The following IL12RB2 variants were observed in gnomAD, a reference collection of about 807,000 sequenced individuals.
The protein encoded by IL12RB2 is interleukin-12 receptor subunit beta-2.
Under a neutral mutation model 89.4 loss-of-function variants are expected in IL12RB2, and 82 were observed. That is an observed-to-expected ratio of 0.92 (90% CI 0.77 to 1.10). The LOEUF is 1.10. IL12RB2 is among the 50% of genes least tolerant of loss of function. The pLI is 0.00. For missense variants in IL12RB2, 963 were observed against 1,031.9 expected (o/e 0.93, Z 0.92); for synonymous variants, 368 against 370.1 (o/e 0.99, Z 0.07).
intron 14 of IL12RB2, among the ~76,000 whole-genome samples, chr1:67,385,131 T>C (rs146254361): frequency 6.6e-6 from 1 of 152,346 alleles, no homozygotes; most frequent in East Asian, 1.9e-4. Context: ...TATTAGTCTG[T>C]TCTCATGCTG....
rs762985506 is a variant in IL12RB2 at position 67,329,719 on chromosome 1, T to C, written c.797T>C (p.Leu266Pro). 1.2e-6 allele frequency: 2 copies of C among 1,606,402 alleles called. No homozygotes were observed. The highest frequency in any genetic ancestry group is 1.1e-5 in the South Asian group (1 of 90,918). ...RLRYRPSNSR[L>P]WNMVNVTKAK... ...AGATATCGGCCCAGTAACAGCAGGC[T>C]CTGGAATATGGTAATTATCTTTAGA... Residue 266 changes from leucine to proline, a missense_variant, in exon 7 of 17, where the codon CTC becomes CCC. Transcript: ENST00000674203.
chr1:67,334,853 GC>G (rs1373561950), intron 8 of IL12RB2, among the ~76,000 whole-genome samples: 23 of 152,186 alleles, frequency 1.5e-4, no homozygotes, highest in Non-Finnish European at 2.9e-4. Flanking sequence ...CAGGCAGAGG[GC>G]CAGATTTGGC....
intron 16 of IL12RB2, 96 bp downstream of exon 16, chr1:67,390,224 A>T: frequency 1.3e-6 from 1 of 754,630 alleles, no homozygotes; most frequent in South Asian, 1.4e-5. Flanking sequence ...GGGTGCTGAG[A>T]TCCTATGGTT....
At chr1:67,392,001 G>C (rs1342350130) in intron 16 of IL12RB2, among the ~76,000 whole-genome samples, 3 of 152,222 alleles carry the variant, frequency 2.0e-5, no homozygotes, top group African/African-American at 4.8e-5. Context: ...AGAGGACTAC[G>C]TAACTTGCCC....
intron 8 of IL12RB2, among the ~76,000 whole-genome samples, chr1:67,334,969 G>A (rs942996057): frequency 6.6e-6 from 1 of 152,164 alleles, no homozygotes; most frequent in Admixed American, 6.5e-5. Flanking sequence ...CTTCTAAAGA[G>A]ATTTATATCA....
intron 1 of IL12RB2, 50 bp downstream of exon 1, chr1:67,308,017 CG>C (rs1654500537): frequency 6.6e-6 from 1 of 152,054 alleles, no homozygotes; most frequent in African/African-American, 2.4e-5. Context: ...CCCAGGATCC[CG>C]GACCAGCGGG....
At chr1:67,337,964 T>C (rs1659009842) in intron 8 of IL12RB2, among the ~76,000 whole-genome samples, 1 of 151,766 alleles carries the variant, frequency 6.6e-6, no homozygotes, top group African/African-American at 2.4e-5. Flanking sequence ...ATTTTTATTT[T>C]TTTGCTCTGT....
chr1:67,331,436 A>T (rs1399140367), intron 8 of IL12RB2, among the ~76,000 whole-genome samples: 1 of 152,232 alleles, frequency 6.6e-6, no homozygotes, highest in African/African-American at 2.4e-5. Flanking sequence ...AGGGAATGTT[A>T]TTGAAGTATA....
At chr1:67,379,504 T>C (rs1274431194) in intron 13 of IL12RB2, among the ~76,000 whole-genome samples, 5 of 46,500 alleles carry the variant, frequency 1.1e-4, no homozygotes, top group Non-Finnish European at 3.8e-4. Context: ...AGCAAGAACC[T>C]GTCTCAAAAA....
intron 9 of IL12RB2, among the ~76,000 whole-genome samples, chr1:67,350,232 C>A (rs3977726): frequency 0.62 from 94,223 of 152,224 alleles, 32,939 homozygotes; most frequent in South Asian, 0.78. Context: ...ATAATTAGTT[C>A]TCTGCTTACT....
chr1:67,395,593 C>G lies in IL12RB2; in HGVS notation c.2093C>G (p.Thr698Arg). Residue 698 changes from threonine to arginine, a missense_variant, in exon 17 of 17, where the codon ACG (threonine) becomes AGG (arginine). Transcript: ENST00000674203. ...GACAGGCTCCTGATAGACTGGCCCA[C>G]GCCTGAAGATCCTGAACCGCTGGTC... ...PLDRLLIDWP[T>R]PEDPEPLVIS... 3 of 1,614,254 alleles carry G rather than the reference C, an allele frequency of 1.9e-6. No homozygotes were observed. Among genetic ancestry groups the G allele is most frequent in the Non-Finnish European group, 2.5e-6 (3 of 1,180,050 alleles).
chr1:67,391,413 G>A (rs898730659), intron 16 of IL12RB2, among the ~76,000 whole-genome samples: 2 of 141,506 alleles, frequency 1.4e-5, no homozygotes, highest in African/African-American at 5.4e-5. Flanking sequence ...ACAAACTGCT[G>A]TTTTATATAT....
Position 67,396,007 on chromosome 1 carries a change from C to A in IL12RB2, c.2507C>A (p.Ser836Tyr). The A allele has an allele frequency of 6.2e-7, 1 of 1,605,418 alleles. No individual in the cohort carries two copies. The highest frequency in any genetic ancestry group is 1.1e-5 in the South Asian group (1 of 90,896). Residue 836 changes from serine (S) to tyrosine (Y), a missense_variant, in exon 17 of 17, where the codon TCT becomes TAT. By Grantham distance (144) the Ser-to-Tyr change is moderately radical. Transcript: ENST00000674203. ...TCCCTTTCTGTTTTCCCCTCAAGTTCTCTTCACCCACTCACCTTCTCCTGT... is the reference window on the plus strand; with the variant it reads ...TCCCTTTCTGTTTTCCCCTCAAGTTATCTTCACCCACTCACCTTCTCCTGT... Reference protein sequence around the residue: ...HISLSVFPSSSLHPLTFSCGD... With the variant: ...HISLSVFPSSYLHPLTFSCGD...
intron 14 of IL12RB2, among the ~76,000 whole-genome samples, chr1:67,383,626 T>C (rs970030525): frequency 6.6e-6 from 1 of 152,068 alleles, no homozygotes; most frequent in Non-Finnish European, 1.5e-5. Flanking sequence ...ATGGGAGAAA[T>C]TGGCCAAAAC....
chr1:67,362,154 C>T (rs1429913471), intron 10 of IL12RB2, among the ~76,000 whole-genome samples: 1 of 152,014 alleles, frequency 6.6e-6, no homozygotes, highest in African/African-American at 2.4e-5. Context: ...GCCTATAATC[C>T]CAGCTACTCG....
chr1:67,320,184 A>T, intron 2 of IL12RB2, 149 bp from the exon 3 acceptor site: 1 of 1,246,936 alleles, frequency 8.0e-7, no homozygotes, highest in Non-Finnish European at 1.1e-6. Context: ...TCGATTTACT[A>T]GTTTTAAAGG....
At chr1:67,369,059 T>C (rs1367665631) in intron 11 of IL12RB2, among the ~76,000 whole-genome samples, 2 of 152,190 alleles carry the variant, frequency 1.3e-5, no homozygotes, top group Non-Finnish European at 2.9e-5. Context: ...TTTATACAAA[T>C]GAAATAAATA....
chr1:67,342,329 C>T (rs1052487954), intron 9 of IL12RB2, among the ~76,000 whole-genome samples: 1 of 152,118 alleles, frequency 6.6e-6, no homozygotes, highest in Non-Finnish European at 1.5e-5. Flanking sequence ...AAGGAAGCAC[C>T]AAGTAAAACC....
intron 9 of IL12RB2, among the ~76,000 whole-genome samples, chr1:67,340,247 A>T (rs1659374185): frequency 6.6e-6 from 1 of 152,216 alleles, no homozygotes; most frequent in African/African-American, 2.4e-5. Context: ...CTAACACTGC[A>T]GCTCAAAATT....
Sources: allele counts gnomAD v4.1 joint callset (sites outside exome capture counted in the v4.1 genomes callset), GRCh38; gene constraint gnomAD v4.1.1; transcripts MANE v1.5; gene names NCBI Gene and HGNC (gene_info 2026-07-23, HGNC 2026-07-21).